Variants in PPP1R42 observed in about 807,000 individuals in gnomAD.
PPP1R42 encodes the protein protein phosphatase 1 regulatory subunit 42, also known as leucine rich repeat containing 67.
Under a neutral mutation model 31.0 loss-of-function variants are expected in PPP1R42, and 34 were observed. The observed-to-expected ratio is 1.10, with a 90% CI of 0.83 to 1.46. The LOEUF is 1.46. Among genes scored for constraint, PPP1R42 ranks in the 40% most tolerant of loss-of-function variants. The pLI is 0.00. For synonymous variants in PPP1R42, 103 were observed against 109.8 expected (o/e 0.94, Z 0.39); for missense variants, 268 against 303.0 (o/e 0.88, Z 0.86).
At chr8:67,013,929 T>A (rs183658933) in intron 3 of PPP1R42, among the ~76,000 whole-genome samples, 1 of 152,358 alleles carries the variant, frequency 6.6e-6, no homozygotes, top group Admixed American at 6.5e-5. Flanking sequence ...CCAATCTTCA[T>A]TGTCTAATTA....
In PPP1R42 at chr8:66,982,052, T is replaced by C. The variant is rs541634298; in HGVS notation, c.799A>G (p.Ile267Val). ...TAATGAGTGACAGAGTGCTTACTTA[T>C]GAGTGAATTGCTTGCATCCTCATTT... is the stretch of plus-strand genomic sequence containing the variant. The part of the protein sequence containing the change: ...SKNEDASNSL[I>V]RISL Residue 267 changes from isoleucine to valine, a missense_variant, in exon 7 of 8, where the codon ATA becomes GTA. Ile to Val is a conservative substitution (Grantham distance 29). Transcript: ENST00000685739. The C allele has an allele frequency of 4.9e-6, 7 of 1,441,804 alleles. No homozygotes were observed. The South Asian group carries it at 6.1e-5, about 13-fold the overall frequency. The allele number at this position is 1,441,804 out of a possible 1,614,324, so 89.3% of individuals were successfully genotyped here.
chr8:66,984,146 T>G, intron 6 of PPP1R42: 1 of 1,591,928 alleles, frequency 6.3e-7, no homozygotes, highest in East Asian at 2.2e-5. Flanking sequence ...ATCAGTGGAC[T>G]CTACACAGAT....
intron 5 of PPP1R42, among the ~76,000 whole-genome samples, chr8:66,990,843 C>CAA (rs759607675): frequency 9.2e-5 from 14 of 152,144 alleles, no homozygotes; most frequent in Non-Finnish European, 1.9e-4. Context: ...GTTCCTGACT[C>CAA]AACTGTGCAA....
intron 5 of PPP1R42, among the ~76,000 whole-genome samples, chr8:67,002,441 C>T (rs568324467): frequency 3.9e-5 from 6 of 152,306 alleles, no homozygotes; most frequent in South Asian, 4.1e-4. Flanking sequence ...TCGAGTCATC[C>T]GCCCGCCTTG....
At chr8:67,000,892 A>G (rs933007921) in intron 5 of PPP1R42, among the ~76,000 whole-genome samples, 7 of 152,228 alleles carry the variant, frequency 4.6e-5, no homozygotes, top group Non-Finnish European at 4.4e-5. Flanking sequence ...CCAATGCAAG[A>G]GAAGTGTTGA....
chr8:66,975,178 T>G (rs1814634611), intron 7 of PPP1R42, among the ~76,000 whole-genome samples: 1 of 152,256 alleles, frequency 6.6e-6, no homozygotes, highest in Non-Finnish European at 1.5e-5. Flanking sequence ...AAGCAGACAT[T>G]GCAGAAGATG....
At chr8:67,012,285 C>G (rs1815865025) in intron 4 of PPP1R42, among the ~76,000 whole-genome samples, 1 of 152,140 alleles carries the variant, frequency 6.6e-6, no homozygotes, top group Admixed American at 6.5e-5. Flanking sequence ...AAAACAACTA[C>G]CATGTCCCAT....
intron 5 of PPP1R42, among the ~76,000 whole-genome samples, chr8:66,997,341 C>G (rs370460865): frequency 6.6e-6 from 1 of 151,904 alleles, no homozygotes; most frequent in South Asian, 2.1e-4. Flanking sequence ...ACTTTGAAAC[C>G]CAGGCTGGAG....
At chr8:66,982,235 C>G in intron 6 of PPP1R42, 55 bp from the exon 7 acceptor site, 1 of 843,720 alleles carries the variant, frequency 1.2e-6, no homozygotes, top group Non-Finnish European at 1.6e-6. Flanking sequence ...AAACATAAGT[C>G]AAAATATGCA....
intron 1 of PPP1R42, among the ~76,000 whole-genome samples, chr8:67,020,201 T>G (rs1816170029): frequency 6.6e-6 from 1 of 152,030 alleles, no homozygotes; most frequent in Non-Finnish European, 1.5e-5. Flanking sequence ...TTTTTGTTGT[T>G]GTTGTTGTTG....
chr8:66,996,926 T>G lies in PPP1R42; in HGVS notation c.553-8409A>C, dbSNP rs888660220. ...TAGCACTTTGGGAGGCTGAGGCAGG[T>G]GGATCACTTGAGGTCAGGAGTTCAA... On this transcript the variant is annotated intron_variant, in intron 5 of 7. Transcript: ENST00000685739. Among the ~76,000 whole-genome samples the G allele has an allele frequency of 3.3e-5, 5 of 152,102 alleles. No homozygotes were observed. In the South Asian group the frequency reaches 1.0e-3, roughly 32 times the overall value.
At chr8:67,012,502 G>A (rs1402113747) in intron 4 of PPP1R42, among the ~76,000 whole-genome samples, 2 of 152,162 alleles carry the variant, frequency 1.3e-5, no homozygotes, top group Non-Finnish European at 2.9e-5. Context: ...GCTGTATGTA[G>A]TGCAATCTAC....
intron 5 of PPP1R42, among the ~76,000 whole-genome samples, chr8:66,990,304 T>C (rs539901003): frequency 6.9e-6 from 1 of 145,756 alleles, no homozygotes; most frequent in South Asian, 2.1e-4. Flanking sequence ...TAAATTAATA[T>C]AGATAAAGAG....
At position 67,028,519 on chromosome 8, in the gene PPP1R42, C is replaced by T. The variant is rs1816470637; in HGVS notation, c.-113G>A. 2 of 985,534 alleles carry T rather than the reference C, an allele frequency of 2.0e-6. No homozygotes were observed. The highest frequency in any genetic ancestry group is 2.4e-6 in the Non-Finnish European group (2 of 829,976). 61.0% of individuals were successfully genotyped at this position (985,534 alleles called of 1,614,324 possible). A position where few individuals can be genotyped will look rare whatever the true frequency, so the allele number is the denominator to read the frequency against. The stretch of plus-strand genomic sequence containing the variant: ...TCGCGGGACAGTCCGGTAGCTAACT[C>T]CAGTTTGGTCGGTTTCATCGGCGCC... On this transcript the variant is annotated 5_prime_UTR_variant, in exon 1 of 8. Coordinates refer to ENST00000685739, the MANE Select transcript of PPP1R42 (RefSeq NM_001364910.1).
rs1235574190 is a variant in PPP1R42, at chr8:66,976,666, TTC to T, written c.802+5381_802+5382del. 7.9e-5 allele frequency among the ~76,000 whole-genome samples: 12 copies of T among 152,282 alleles called. 1 individual carries two copies. The South Asian group carries it at 2.1e-3, about 26-fold the overall frequency. On this transcript the variant is annotated intron_variant, in intron 7 of 7. Coordinates refer to ENST00000685739, the MANE Select transcript of PPP1R42 (RefSeq NM_001364910.1). ...GAGTGAGAACATGCACCATTTCACT[TTC>T]TGTTTCTGGCTTATTTCACTTAACA...
intron 7 of PPP1R42, among the ~76,000 whole-genome samples, chr8:66,966,924 C>G (rs1007129799): frequency 3.3e-5 from 5 of 152,218 alleles, no homozygotes; most frequent in African/African-American, 1.2e-4. Flanking sequence ...GAGTTGAGAT[C>G]AGAAGTCACA....
At position 67,002,721 on chromosome 8, in the gene PPP1R42, CTTTT is replaced by C. The variant is rs200088897; in HGVS notation, c.552+7990_552+7993del. Among the ~76,000 whole-genome samples the C allele has an allele frequency of 9.0e-4, 83 of 91,904 alleles. No individual in the cohort carries two copies. In the East Asian group the frequency reaches 0.022, roughly 24 times the overall value. The allele number at this position is 91,904 out of a possible 152,430, so 60.3% of individuals were successfully genotyped here. A position where few individuals can be genotyped will look rare whatever the true frequency, so the allele number is the denominator to read the frequency against. On this transcript the variant is annotated intron_variant, in intron 5 of 7. Transcript: ENST00000685739. ...ATAGGGGCTTGCTCTGTTGCCCCCGCTTTTTTTTTTTTTTCAGTGTTTTTTTTTT... is the reference window on the plus strand; with the variant it reads ...ATAGGGGCTTGCTCTGTTGCCCCCGCTTTTTTTTTTCAGTGTTTTTTTTTT...
intron 1 of PPP1R42, among the ~76,000 whole-genome samples, chr8:67,023,971 C>A (rs1186151324): frequency 1.3e-5 from 2 of 151,726 alleles, no homozygotes; most frequent in East Asian, 3.9e-4. Context: ...GGTGAAAACC[C>A]GTCTCTACTA....
intron 5 of PPP1R42, among the ~76,000 whole-genome samples, chr8:67,008,707 C>CAAA (rs764674038): frequency 2.1e-4 from 15 of 72,280 alleles, no homozygotes; most frequent in African/African-American, 5.2e-4. Flanking sequence ...GACTCTGTCT[C>CAAA]AAAAAAAAAA....
Sources: gnomAD v4.1 joint callset for allele counts (sites outside exome capture counted in the v4.1 genomes callset) on GRCh38, gnomAD v4.1.1 for gene constraint, MANE v1.5 for transcripts, NCBI Gene and HGNC (gene_info 2026-07-23, HGNC 2026-07-21) for gene names.